Variants in MGAT4C observed in about 807,000 individuals in gnomAD.
The protein encoded by MGAT4C is alpha-1,3-mannosyl-glycoprotein 4-beta-N-acetylglucosaminyltransferase C.
MGAT4C carries 19 observed loss-of-function variants against 40.1 expected under a neutral mutation model. The observed-to-expected ratio is 0.47, with a 90% confidence interval of 0.33 to 0.70. The LOEUF (loss-of-function observed/expected upper bound fraction) is 0.70, where lower values mean the gene tolerates loss of function less well. MGAT4C is among the 30% of genes least tolerant of loss of function. The probability of loss-of-function intolerance (pLI) is 0.02; values close to 1 mark genes in which losing one functional copy is unlikely to be tolerated. For missense variants in MGAT4C, 491 were observed against 563.2 expected, an observed-to-expected ratio of 0.87 and a Z score of 1.30; for synonymous variants, 181 against 187.1, an observed-to-expected ratio of 0.97 and a Z score of 0.27.
chr12:86,607,440 G>T (rs190276503), intron 2 of MGAT4C, among the ~76,000 whole-genome samples: 233 of 152,136 alleles, frequency 1.5e-3, no homozygotes, highest in African/African-American at 5.4e-3. Flanking sequence ...TATAAAAAAT[G>T]TATAGTAATT....
chr12:86,832,706 T>C (rs1273056024), intron 1 of MGAT4C, among the ~76,000 whole-genome samples: 1 of 151,820 alleles, frequency 6.6e-6, no homozygotes, highest in Non-Finnish European at 1.5e-5. Context: ...GGTGATTAAA[T>C]GTGATATTGT....
intron 1 of MGAT4C, among the ~76,000 whole-genome samples, chr12:86,089,969 G>T (rs1385347025): frequency 2.0e-5 from 3 of 151,496 alleles, no homozygotes. Context: ...GGAAAATATT[G>T]GCTGATTGAT....
In MGAT4C at chr12:85,958,689, T is replaced by C. The variant is rs935542765; in HGVS notation, c.*20600A>G. On this transcript the variant is annotated 3_prime_UTR_variant, in exon 5 of 5. Coordinates refer to ENST00000611864, the MANE Select transcript of MGAT4C (RefSeq NM_001351288.2). ...CAAATTCACTTACAACTAGCAATTTTAAAGACTTAAAGTTTAATTTTTATT... is the reference window on the plus strand; with the variant it reads ...CAAATTCACTTACAACTAGCAATTTCAAAGACTTAAAGTTTAATTTTTATT... The C allele has an allele frequency of 6.6e-6, 1 of 152,122 alleles. No individual in the cohort carries two copies. The highest frequency in any genetic ancestry group is 6.6e-5 in the Admixed American group (1 of 15,248). The allele number at this position is 152,122 out of a possible 1,614,324, so 9.4% of individuals were successfully genotyped here.
chr12:86,467,991 C>T (rs1400115424), intron 2 of MGAT4C, among the ~76,000 whole-genome samples: 1 of 152,016 alleles, frequency 6.6e-6, no homozygotes, highest in Non-Finnish European at 1.5e-5. Flanking sequence ...ATAATCAATG[C>T]TTCTATCCTC....
intron 2 of MGAT4C, among the ~76,000 whole-genome samples, chr12:86,584,556 A>T (rs10732640): frequency 0.93 from 140,965 of 151,252 alleles, 65,771 homozygotes; most frequent in East Asian, 1. Flanking sequence ...TCTTTTACCT[A>T]TTTTGTATTT....
At chr12:86,470,818 A>C (rs927330378) in intron 2 of MGAT4C, among the ~76,000 whole-genome samples, 3 of 152,062 alleles carry the variant, frequency 2.0e-5, no homozygotes, top group Admixed American at 6.6e-5. Flanking sequence ...AAATAACATA[A>C]ATATGTTATT....
At position 86,531,760 on chromosome 12, in the gene MGAT4C, A is replaced by G. The variant is rs1958989256; in HGVS notation, c.-228-96495T>C. 2.0e-5 allele frequency among the ~76,000 whole-genome samples: 3 copies of G among 151,860 alleles called. No individual in the cohort carries two copies. In the South Asian group the frequency reaches 6.2e-4, roughly 32 times the overall value. On this transcript the variant is annotated intron_variant, in intron 2 of 7. Coordinates refer to the MGAT4C transcript ENST00000548651. ...GCATTACAAACAAAATGCTCTATTT[A>G]CTTTTCATCATTTAATATTTTATTT...
At position 85,979,428 on chromosome 12, in the gene MGAT4C, C is replaced by G. The variant is rs766133859; in HGVS notation, c.1298G>C (p.Gly433Ala). 1.9e-6 allele frequency: 3 copies of G among 1,613,198 alleles called. No homozygotes were observed. The highest frequency in any genetic ancestry group is 2.5e-6 in the Non-Finnish European group (3 of 1,179,554). The change falls in exon 5 of 5, where the codon GGA becomes GCA. Residue 433 changes from glycine to alanine, a missense_variant. By Grantham distance (60) the Gly-to-Ala change is moderately conservative. Transcript: ENST00000611864. Reference protein sequence around the residue: ...RRQCSTYLRLGEFKNGNFEMS... With the variant: ...RRQCSTYLRLAEFKNGNFEMS... Reference sequence around the variant, plus strand: ...TTCAAAGTTTCCATTTTTGAATTCTCCTAGTCTTAAGTAAGTAGAACATTG... The same window carrying G: ...TTCAAAGTTTCCATTTTTGAATTCTGCTAGTCTTAAGTAAGTAGAACATTG...
At chr12:86,644,056 T>A (rs1963468687) in intron 2 of MGAT4C, among the ~76,000 whole-genome samples, 1 of 151,648 alleles carries the variant, frequency 6.6e-6, no homozygotes. Flanking sequence ...CTAGAGAAAG[T>A]TAACTTAGAA....
At chr12:86,087,891 T>A (rs775731478) in intron 1 of MGAT4C, among the ~76,000 whole-genome samples, 14 of 152,008 alleles carry the variant, frequency 9.2e-5, no homozygotes, top group Non-Finnish European at 1.9e-4. Flanking sequence ...ATTTAAAAAT[T>A]CATATGGAAC....
chr12:86,064,236 T>C (rs1385899790), intron 1 of MGAT4C, among the ~76,000 whole-genome samples: 2 of 151,642 alleles, frequency 1.3e-5, no homozygotes, highest in South Asian at 4.2e-4. Flanking sequence ...AGAACTCAGG[T>C]TTAAGAAACT....
intron 1 of MGAT4C, among the ~76,000 whole-genome samples, chr12:86,141,682 C>A (rs1319210656): frequency 6.6e-6 from 1 of 152,052 alleles, no homozygotes; most frequent in East Asian, 1.9e-4. Flanking sequence ...TAACCAATTA[C>A]CAGCTATACC....
At chr12:86,440,377 C>CAAAAAACAAAAACAAAAAAAAAAA in intron 2 of MGAT4C, among the ~76,000 whole-genome samples, 1 of 151,900 alleles carries the variant, frequency 6.6e-6, no homozygotes, top group Admixed American at 6.6e-5. Context: ...AAAACAAAAA[C>CAAAAAACAAAAACAAAAAAAAAAA]CATATGATAA....
At chr12:86,410,148 G>A (rs1028620148) in intron 3 of MGAT4C, among the ~76,000 whole-genome samples, 5 of 152,150 alleles carry the variant, frequency 3.3e-5, no homozygotes, top group African/African-American at 1.2e-4. Context: ...GTTCGGCTGT[G>A]CACGTATTGT....
intron 2 of MGAT4C, among the ~76,000 whole-genome samples, chr12:86,523,176 G>T (rs1265320960): frequency 1.3e-5 from 2 of 151,972 alleles, no homozygotes; most frequent in African/African-American, 4.8e-5. Flanking sequence ...TGTTGTGTGT[G>T]ATGTTAGGTT....
chr12:86,591,137 G>C (rs926124583), intron 2 of MGAT4C, among the ~76,000 whole-genome samples: 1 of 151,952 alleles, frequency 6.6e-6, no homozygotes, highest in African/African-American at 2.4e-5. Context: ...CATTTTAAAA[G>C]GAGTTGGGTT....
chr12:86,288,939 G>A (rs908566771), intron 4 of MGAT4C, among the ~76,000 whole-genome samples: 9 of 151,930 alleles, frequency 5.9e-5, no homozygotes, highest in South Asian at 2.1e-4. Flanking sequence ...TTTAATTTTT[G>A]TCTTTGTCAC....
At chr12:86,132,528 T>C (rs969715388) in intron 1 of MGAT4C, among the ~76,000 whole-genome samples, 3 of 152,060 alleles carry the variant, frequency 2.0e-5, no homozygotes, top group East Asian at 1.9e-4. Context: ...GCGCGGTGGC[T>C]CACGCCTGTA....
chr12:86,823,439 G>T (rs1300159194), intron 1 of MGAT4C, among the ~76,000 whole-genome samples: 1 of 150,614 alleles, frequency 6.6e-6, no homozygotes, highest in Admixed American at 6.6e-5. Flanking sequence ...AATTTTTACA[G>T]AAAAATCTAA....
Sources: allele counts gnomAD v4.1 joint callset (sites outside exome capture counted in the v4.1 genomes callset), GRCh38; gene constraint gnomAD v4.1.1; transcripts MANE v1.5; gene names NCBI Gene and HGNC (gene_info 2026-07-23, HGNC 2026-07-21).